DLC1: variants seen among roughly 807,000 people sequenced by gnomAD.
DLC1 encodes rho GTPase-activating protein 7.
Under a neutral mutation model 140.3 loss-of-function variants are expected in DLC1, and 54 were observed. The ratio of observed to expected loss-of-function variants is 0.38; its 90% confidence interval spans 0.31 to 0.48. The LOEUF is 0.48. DLC1 is among the 20% of genes least tolerant of loss of function. The pLI, the probability that DLC1 is intolerant of heterozygous loss-of-function variation, is 0.96. For synonymous variants in DLC1, 986 were observed against 728.1 expected, an observed-to-expected ratio of 1.35 and a Z score of -5.70; for missense variants, 2,536 against 1,907.0, an observed-to-expected ratio of 1.33 and a Z score of -6.14.
intron 4 of DLC1, among the ~76,000 whole-genome samples, chr8:13,329,793 A>G (rs1390157596): frequency 6.6e-6 from 1 of 151,960 alleles, no homozygotes; most frequent in African/African-American, 2.4e-5. Context: ...CTGTGTATGT[A>G]TTTTCTTTCT....
intron 2 of DLC1, among the ~76,000 whole-genome samples, chr8:13,404,567 A>G (rs1316786901): frequency 6.6e-6 from 1 of 152,194 alleles, no homozygotes; most frequent in Non-Finnish European, 1.5e-5. Context: ...TTTATTTTTT[A>G]AATACATTTA....
chr8:13,085,681 G>C lies in DLC1; in HGVS notation c.*130C>G, dbSNP rs1817492750. On this transcript the variant is annotated 3_prime_UTR_variant, in exon 18 of 18. Transcript: ENST00000276297. ...TTTAAAAATGTATCAAATTGCTATA[G>C]TCAATTCCTACACTCCAGCTTGTAG... 1 of 1,393,590 alleles carries C rather than the reference G, an allele frequency of 7.2e-7. No individual in the cohort carries two copies. The highest frequency in any genetic ancestry group is 9.7e-7 in the Non-Finnish European group (1 of 1,035,320). 86.3% of individuals were successfully genotyped at this position (1,393,590 alleles called of 1,614,324 possible).
chr8:13,343,213 A>G (rs1834158230), intron 4 of DLC1, among the ~76,000 whole-genome samples: 1 of 152,202 alleles, frequency 6.6e-6, no homozygotes, highest in East Asian at 1.9e-4. Context: ...AGATTGGGTC[A>G]TCCATGAATA....
chr8:13,133,151 G>A (rs1344609304), intron 5 of DLC1: 13 of 1,446,288 alleles, frequency 9.0e-6, no homozygotes, highest in Non-Finnish European at 1.2e-5. Context: ...AAAGAAAGCG[G>A]GGTTTTCTAA....
At chr8:13,219,957 C>G (rs141870737) in intron 5 of DLC1, among the ~76,000 whole-genome samples, 1 of 152,182 alleles carries the variant, frequency 6.6e-6, no homozygotes, top group African/African-American at 2.4e-5. Flanking sequence ...ACTACATGAA[C>G]TATCGAGAAT....
chr8:13,087,121 G>A (rs1454827484), intron 16 of DLC1, among the ~76,000 whole-genome samples: 4 of 152,160 alleles, frequency 2.6e-5, no homozygotes. Context: ...CCCTCATTAG[G>A]CATGGTGGGT....
At chr8:13,463,088 A>AAAC (rs1799747283) in intron 2 of DLC1, among the ~76,000 whole-genome samples, 1 of 151,986 alleles carries the variant, frequency 6.6e-6, no homozygotes. Context: ...ACAAACAAAA[A>AAAC]ACAAGCAAAG....
intron 2 of DLC1, among the ~76,000 whole-genome samples, chr8:13,444,620 G>C (rs145408867): frequency 1.4e-3 from 208 of 152,142 alleles, no homozygotes; most frequent in African/African-American, 4.9e-3. Flanking sequence ...AAATAATATT[G>C]AATTTTTAAA....
At chr8:13,169,262 G>C (rs910222584) in intron 5 of DLC1, among the ~76,000 whole-genome samples, 1 of 152,100 alleles carries the variant, frequency 6.6e-6, no homozygotes, top group African/African-American at 2.4e-5. Flanking sequence ...ATGTAATACT[G>C]TGGGGTTTTG....
At chr8:13,236,825 C>T (rs948812471) in intron 5 of DLC1, among the ~76,000 whole-genome samples, 2 of 151,928 alleles carry the variant, frequency 1.3e-5, no homozygotes, top group Non-Finnish European at 2.9e-5. Context: ...TTGCTACTTG[C>T]CCATGAGAAG....
At chr8:13,128,117 C>A (rs1209439348) in intron 5 of DLC1, among the ~76,000 whole-genome samples, 1 of 151,872 alleles carries the variant, frequency 6.6e-6, no homozygotes, top group Non-Finnish European at 1.5e-5. Context: ...CTGATTTCCA[C>A]TGTGTCTTGG....
intron 4 of DLC1, among the ~76,000 whole-genome samples, chr8:13,362,783 C>T (rs1835293943): frequency 6.6e-6 from 1 of 152,182 alleles, no homozygotes; most frequent in Non-Finnish European, 1.5e-5. Flanking sequence ...ATTCTACTGT[C>T]TTTCCTGTCT....
At chr8:13,302,599 G>C (rs1832245154) in intron 5 of DLC1, among the ~76,000 whole-genome samples, 1 of 151,914 alleles carries the variant, frequency 6.6e-6, no homozygotes. Flanking sequence ...TTCATTTAGA[G>C]CTTCACAAAG....
intron 2 of DLC1, among the ~76,000 whole-genome samples, chr8:13,430,092 T>TATATAAA (rs1838792414): frequency 6.6e-6 from 1 of 152,150 alleles, no homozygotes; most frequent in Non-Finnish European, 1.5e-5. Context: ...GTGGGAATGG[T>TATATAAA]ATATAGGCAT....
intron 5 of DLC1, among the ~76,000 whole-genome samples, chr8:13,300,167 C>G (rs1311895711): frequency 6.6e-6 from 1 of 152,148 alleles, no homozygotes; most frequent in Admixed American, 6.5e-5. Context: ...TCATCTTCAG[C>G]AAACTAAAGC....
chr8:13,563,738 A>C (rs1265315146), intron 1 of DLC1, among the ~76,000 whole-genome samples: 1 of 152,224 alleles, frequency 6.6e-6, no homozygotes, highest in African/African-American at 2.4e-5. Context: ...ATAGCTAGAA[A>C]TGTATGTAAA....
intron 4 of DLC1, among the ~76,000 whole-genome samples, chr8:13,343,493 T>C (rs745962548): frequency 1.6e-4 from 24 of 152,210 alleles, no homozygotes; most frequent in Non-Finnish European, 2.4e-4. Flanking sequence ...AAGAAATGTA[T>C]TGATTGTCTA....
chr8:13,468,891 G>C (rs958367576), intron 2 of DLC1, among the ~76,000 whole-genome samples: 5 of 141,178 alleles, frequency 3.5e-5, no homozygotes, highest in Non-Finnish European at 7.5e-5. Flanking sequence ...TGCAATCTTG[G>C]TTCACTGCAA....
At chr8:13,577,842 T>G (rs566571975) in intron 1 of DLC1, among the ~76,000 whole-genome samples, 16 of 152,154 alleles carry the variant, frequency 1.1e-4, no homozygotes, top group South Asian at 8.3e-4. Context: ...TATCAAATTA[T>G]TATCTTTAAG....
Sources: gnomAD v4.1 joint callset for allele counts (sites outside exome capture counted in the v4.1 genomes callset) on GRCh38, gnomAD v4.1.1 for gene constraint, MANE v1.5 for transcripts, NCBI Gene and HGNC (gene_info 2026-07-23, HGNC 2026-07-21) for gene names.